The following UBE2S variants were observed in gnomAD, a reference collection of about 807,000 sequenced individuals.
UBE2S encodes ubiquitin conjugating enzyme E2 S, also known as ubiquitin-conjugating enzyme E2 S.
UBE2S carries 3 observed loss-of-function variants against 12.3 expected under a neutral mutation model. The observed-to-expected ratio is 0.24, with a 90% confidence interval of 0.11 to 0.63. UBE2S has a LOEUF of 0.63. UBE2S is among the 30% of genes least tolerant of loss of function. The pLI is 0.85. For missense variants in UBE2S, 211 were observed against 313.9 expected, an observed-to-expected ratio of 0.67 and a Z score of 2.48; for synonymous variants, 133 against 142.0, an observed-to-expected ratio of 0.94 and a Z score of 0.45.
intron 3 of UBE2S, chr19:55,403,363 C>T (rs951631757): frequency 7.0e-5 from 30 of 426,318 alleles, no homozygotes; most frequent in Non-Finnish European, 1.2e-4. Flanking sequence ...GTGGTGCATG[C>T]GTGTAATACC....
Position 55,407,735 on chromosome 19 carries a change from C to T in UBE2S, c.-146G>A, listed in dbSNP as rs2090106297. On this transcript the variant is annotated 5_prime_UTR_variant, in exon 1 of 4. Coordinates refer to ENST00000264552, the MANE Select transcript of UBE2S (RefSeq NM_014501.3). Reference sequence around the variant, plus strand: ...TCCGCTCCCCGCTGCCTCCGACGTCCGCCGCGCACAGCGTAGACCAACCCG... The same window carrying T: ...TCCGCTCCCCGCTGCCTCCGACGTCTGCCGCGCACAGCGTAGACCAACCCG... The T allele has an allele frequency of 3.6e-6, 2 of 550,744 alleles. No homozygotes were observed. Among genetic ancestry groups the T allele is most frequent in the East Asian group, 4.0e-5 (1 of 25,272 alleles). 34.1% of individuals were successfully genotyped at this position (550,744 alleles called of 1,614,324 possible). A position where few individuals can be genotyped will look rare whatever the true frequency, so the allele number is the denominator to read the frequency against.
Position 55,401,197 on chromosome 19 carries a change from G to C in UBE2S, c.*239C>G, listed in dbSNP as rs2090055023. ...GCTGCAGTCCATGAGGCTTTACAAGGACCCAGGGCCTGTGCAGGGGAGCCA... is the reference window on the plus strand; with the variant it reads ...GCTGCAGTCCATGAGGCTTTACAAGCACCCAGGGCCTGTGCAGGGGAGCCA... On this transcript the variant is annotated 3_prime_UTR_variant, in exon 4 of 4. Coordinates refer to ENST00000264552, the MANE Select transcript of UBE2S (RefSeq NM_014501.3). 1.7e-6 allele frequency: 1 copy of C among 578,632 alleles called. No individual in the cohort carries two copies. The highest frequency in any genetic ancestry group is 3.3e-5 in the Admixed American group (1 of 30,390). 35.8% of individuals were successfully genotyped at this position (578,632 alleles called of 1,614,324 possible).
At chr19:55,407,327 G>C (rs2090103123) in intron 1 of UBE2S, among the ~76,000 whole-genome samples, 1 of 152,164 alleles carries the variant, frequency 6.6e-6, no homozygotes, top group Non-Finnish European at 1.5e-5. Context: ...CAGGTCTGGA[G>C]ATGGCGGCGG....
At chr19:55,406,368 T>C (rs141901246) in intron 2 of UBE2S, among the ~76,000 whole-genome samples, 39 of 152,160 alleles carry the variant, frequency 2.6e-4, no homozygotes, top group African/African-American at 8.9e-4. Flanking sequence ...GCAAATCATG[T>C]GACCCGCAAA....
rs1376460878 is a variant in UBE2S, at chr19:55,404,973, G to A, written c.152-495C>T. ...CGCCTGTAATCCCAGCACTTTGGGA[G>A]GCTAAGGCGGGTGGATCACCTGAGG... On this transcript the variant is annotated intron_variant, in intron 2 of 3. Coordinates refer to ENST00000264552, the MANE Select transcript of UBE2S (RefSeq NM_014501.3). This position sits in a 1 kb window ranked among gnomAD's most constrained non-coding sequence, Gnocchi z 4.4. 2.6e-5 allele frequency among the ~76,000 whole-genome samples: 4 copies of A among 151,928 alleles called. No individual in the cohort carries two copies. Among genetic ancestry groups the A allele is most frequent in the East Asian group, 1.9e-4 (1 of 5,154 alleles).
In UBE2S at chr19:55,401,584, C is replaced by A. The variant is rs749248836; in HGVS notation, c.521G>T (p.Gly174Val). 2.5e-6 allele frequency: 4 copies of A among 1,609,306 alleles called. No homozygotes were observed. In the South Asian group the frequency reaches 3.3e-5, roughly 13 times the overall value. Reference sequence around the variant, plus strand: ...AGGGTCGGTGGAGGAAGCTTCAGTGCCACTGGCCAGGGCCCGACCGGCTTC... The same window carrying A: ...AGGGTCGGTGGAGGAAGCTTCAGTGACACTGGCCAGGGCCCGACCGGCTTC... ...RAEAGRALAS[G>V]TEASSTDPGA... The change falls in exon 4 of 4, where the codon GGC becomes GTC. Residue 174 changes from glycine (G) to valine (V), a missense_variant. Transcript: ENST00000264552.
At position 55,401,718 on chromosome 19, in the gene UBE2S, G is replaced by C; in HGVS notation, c.387C>G (p.Leu129=). 1.2e-6 allele frequency: 2 copies of C among 1,613,468 alleles called. No individual in the cohort carries two copies. The highest frequency in any genetic ancestry group is 1.7e-6 in the Non-Finnish European group (2 of 1,180,028). ...LLIHPNPESA[L]NEEAGRLLLE... is the part of the protein sequence containing the mutation. ...AGAGCAGGCGGCCCGCCTCCTCGTT[G>C]AGTGCAGACTCGGGGTTAGGGTGGA... The change falls in exon 4 of 4, where the codon CTC becomes CTG. Residue 129 remains leucine (L), a synonymous_variant. Transcript: ENST00000264552.
At chr19:55,407,483 G>T in intron 1 of UBE2S, 104 bp downstream of exon 1, 1 of 1,288,814 alleles carries the variant, frequency 7.8e-7, no homozygotes, top group Non-Finnish European at 1.0e-6. Flanking sequence ...CCCCAGGCTG[G>T]CCCTCAAACC....
At position 55,404,489 on chromosome 19, in the gene UBE2S, G is replaced by A. The variant is rs759461145; in HGVS notation, c.152-11C>T. 3.8e-6 allele frequency: 6 copies of A among 1,596,618 alleles called. No homozygotes were observed. Among genetic ancestry groups the A allele is most frequent in the African/African-American group, 2.7e-5 (2 of 74,724 alleles). ...CATATGGGGTCCCCTCTGGAGTGGA[G>A]GGAGGGGTACAGGGTCAGGGCACTC... On this transcript the variant is annotated splice_polypyrimidine_tract_variant and intron_variant, in intron 2 of 3. Transcript: ENST00000264552. The surrounding 1 kb of genome is among the most constrained non-coding windows in gnomAD (Gnocchi z 4.4).
chr19:55,402,298 T>A (rs907723967), intron 3 of UBE2S, among the ~76,000 whole-genome samples: 1 of 152,228 alleles, frequency 6.6e-6, no homozygotes, highest in African/African-American at 2.4e-5. Flanking sequence ...CTGACCTCTG[T>A]CTTTTATCAG....
At chr19:55,406,372 C>T (rs571949862) in intron 2 of UBE2S, among the ~76,000 whole-genome samples, 5 of 152,120 alleles carry the variant, frequency 3.3e-5, no homozygotes, top group African/African-American at 4.8e-5. Flanking sequence ...ATCATGTGAC[C>T]CGCAAATCAT....
chr19:55,401,813 C>T (rs530816110), intron 3 of UBE2S, 51 bp from the exon 4 acceptor site: 33 of 1,599,700 alleles, frequency 2.1e-5, no homozygotes, highest in East Asian at 4.5e-5. Context: ...TACAGGGACC[C>T]CCAGGCCTCC....
Position 55,406,831 on chromosome 19 carries a change from G to C in UBE2S, c.135C>G (p.Val45=). ...PNEEDLTDLQ[V]TIEGPEGTPY... Reference sequence around the variant, plus strand: ...CAAACTCACCAGGGCCCTCGATGGTGACCTGGAGGTCGGTGAGGTCCTCCT... The same window carrying C: ...CAAACTCACCAGGGCCCTCGATGGTCACCTGGAGGTCGGTGAGGTCCTCCT... Residue 45 remains valine, a synonymous_variant, in exon 2 of 4, where the codon GTC becomes GTG. Coordinates refer to ENST00000264552, the MANE Select transcript of UBE2S (RefSeq NM_014501.3). 6.2e-7 allele frequency: 1 copy of C among 1,613,008 alleles called. No homozygotes were observed. The highest frequency in any genetic ancestry group is 8.5e-7 in the Non-Finnish European group (1 of 1,179,516).
At chr19:55,401,794 C>A in intron 3 of UBE2S, 32 bp from the exon 4 acceptor site, 7 of 1,611,480 alleles carry the variant, frequency 4.3e-6, no homozygotes, top group Non-Finnish European at 5.9e-6. Context: ...CACAGTGGGT[C>A]GGGCAACCTA....
Position 55,404,015 on chromosome 19 carries a change from TAA to T in UBE2S, c.342+271_342+272del. The T allele has an allele frequency of 2.5e-6, 1 of 405,008 alleles. No homozygotes were observed. The highest frequency in any genetic ancestry group is 4.5e-6 in the Non-Finnish European group (1 of 222,914). 25.1% of individuals were successfully genotyped at this position (405,008 alleles called of 1,614,324 possible). ...CCTGGCCTACCCTATCCTTGTTTTTTAAAAAAAAGGGAGAAGAGAAAAACCAT... is the reference window on the plus strand; with the variant it reads ...CCTGGCCTACCCTATCCTTGTTTTTTAAAAAAGGGAGAAGAGAAAAACCAT... On this transcript the variant is annotated intron_variant, in intron 3 of 3. Coordinates refer to ENST00000264552, the MANE Select transcript of UBE2S (RefSeq NM_014501.3). This position sits in a 1 kb window ranked among gnomAD's most constrained non-coding sequence, Gnocchi z 4.4.
At chr19:55,405,515 GA>G (rs912814032) in intron 2 of UBE2S, among the ~76,000 whole-genome samples, 31 of 147,760 alleles carry the variant, frequency 2.1e-4, no homozygotes, top group African/African-American at 5.7e-4. Context: ...TTTAGAGAGA[GA>G]AAAAAAAAAG....
At chr19:55,402,092 CCA>C (rs905989059) in intron 3 of UBE2S, among the ~76,000 whole-genome samples, 6 of 152,202 alleles carry the variant, frequency 3.9e-5, no homozygotes, top group African/African-American at 1.4e-4. Context: ...TGCCTGAGCC[CCA>C]GACTTGAGTC....
chr19:55,402,976 A>C (rs1013693472), intron 3 of UBE2S: 17 of 1,534,874 alleles, frequency 1.1e-5, no homozygotes, highest in Non-Finnish European at 1.5e-5. Flanking sequence ...GCAGGCTGTA[A>C]GCAGCCTGGA....
chr19:55,403,604 C>CT (rs2090077206), intron 3 of UBE2S, among the ~76,000 whole-genome samples: 1 of 152,024 alleles, frequency 6.6e-6, no homozygotes, highest in Non-Finnish European at 1.5e-5. Flanking sequence ...GAAAACTGTC[C>CT]TACAGGGTAG....
Sources: allele counts gnomAD v4.1 joint callset (sites outside exome capture counted in the v4.1 genomes callset), GRCh38; gene constraint gnomAD v4.1.1; non-coding constraint Gnocchi (gnomAD v3.1); transcripts MANE v1.5; gene names NCBI Gene and HGNC (gene_info 2026-07-23, HGNC 2026-07-21).